The following NOTCH1 variants were observed in gnomAD, a reference collection of about 807,000 sequenced individuals.
NOTCH1 encodes the protein neurogenic locus notch homolog protein 1.
Under a neutral mutation model 254.8 loss-of-function variants are expected in NOTCH1, and 37 were observed. The ratio of observed to expected loss-of-function variants is 0.15; its 90% CI spans 0.11 to 0.19. The LOEUF (loss-of-function observed/expected upper bound fraction) is 0.19. NOTCH1 is among the 10% of genes least tolerant of loss of function. The probability of loss-of-function intolerance (pLI) is 1.00; values close to 1 mark genes in which losing one functional copy is unlikely to be tolerated. For missense variants in NOTCH1, 2,972 were observed against 3,708.6 expected (o/e 0.80, Z 5.16); for synonymous variants, 1,731 against 1,618.1 (o/e 1.07, Z -1.68).
Position 136,496,755 on chromosome 9 carries a change from C to T in NOTCH1, c.6984G>A (p.Gly2328=), listed in dbSNP as rs1589052797. The change falls in exon 34 of 34, where the codon GGG becomes GGA. Residue 2328 remains glycine (G), a synonymous_variant. Coordinates refer to ENST00000651671, the MANE Select transcript of NOTCH1 (RefSeq NM_017617.5). ...TGCTCAGGGGGCCTGGTGCCACACTCCCCCGCAGAGGGTTGTATTGGTTCG... is the reference window on the plus strand; with the variant it reads ...TGCTCAGGGGGCCTGGTGCCACACTTCCCCGCAGAGGGTTGTATTGGTTCG... The part of the protein sequence containing the change: ...MVPNQYNPLR[G]SVAPGPLSTQ... The T allele has an allele frequency of 1.2e-6, 2 of 1,612,830 alleles. No individual in the cohort carries two copies. Among genetic ancestry groups the T allele is most frequent in the Non-Finnish European group, 1.7e-6 (2 of 1,180,002 alleles).
chr9:136,506,537 T>C lies in NOTCH1; in HGVS notation c.4004A>G (p.Lys1335Arg), dbSNP rs747985253. Residue 1335 changes from lysine to arginine, a missense_variant, in exon 24 of 34, where the codon AAG (lysine) becomes AGG (arginine). This residue lies in a region of NOTCH1 where 1,343 missense variants were observed against 1,557.0 expected (regional missense o/e 0.86). Transcript: ENST00000651671. This position sits in a 1 kb window ranked among gnomAD's most constrained non-coding sequence, Gnocchi z 4.5. ...ASNTARGFIC[K>R]CPAGFEGATC... Reference sequence around the variant, plus strand: ...CACCCCTGCACCTACCGCAGGGCACTTGCAGATGAACCCGCGGGCGGTGTT... The same window carrying C: ...CACCCCTGCACCTACCGCAGGGCACCTGCAGATGAACCCGCGGGCGGTGTT... The C allele has an allele frequency of 2.5e-6, 4 of 1,602,716 alleles. No individual in the cohort carries two copies. The highest frequency in any genetic ancestry group is 1.3e-5 in the African/African-American group (1 of 74,900).
chr9:136,498,773 C>G (rs79872302), intron 33 of NOTCH1, 126 bp downstream of exon 33: 6 of 1,094,598 alleles, frequency 5.5e-6, no homozygotes, highest in Non-Finnish European at 8.3e-6. Flanking sequence ...GGCCCACATG[C>G]GGGCCCAGCG....
At position 136,496,093 on chromosome 9, in the gene NOTCH1, C is replaced by A. The variant is rs767929506; in HGVS notation, c.7646G>T (p.Arg2549Leu). 1 of 1,606,362 alleles carries A rather than the reference C, an allele frequency of 6.2e-7. No homozygotes were observed. The highest frequency in any genetic ancestry group is 8.5e-7 in the Non-Finnish European group (1 of 1,179,130). Residue 2549 changes from arginine to leucine, a missense_variant, in exon 34 of 34, where the codon CGC (arginine) becomes CTC (leucine). Physicochemically the swap from Arg to Leu is moderately radical, Grantham distance 102. Around this residue, in one of 8 missense-constraint regions of NOTCH1, gnomAD observed 85 missense variants for 126.1 expected, o/e 0.67. Coordinates refer to ENST00000651671, the MANE Select transcript of NOTCH1 (RefSeq NM_017617.5). ...PPTSMQSQIA[R>L]IPEAFK ...CGTTTACTTGAAGGCCTCCGGAATG[C>A]GGGCGATCTGGGACTGCATGCTGGT...
chr9:136,495,546 A>G lies in NOTCH1; in HGVS notation c.*525T>C. On this transcript the variant is annotated 3_prime_UTR_variant, in exon 34 of 34. Transcript: ENST00000651671. ...TTTGCCTCCGTTTGCCTCTGGATGC[A>G]GCTTCTCCTAACAGGCAGGTGATGC... 1 of 399,746 alleles carries G rather than the reference A, an allele frequency of 2.5e-6. No individual in the cohort carries two copies. The allele number at this position is 399,746 out of a possible 1,614,324, so 24.8% of individuals were successfully genotyped here.
chr9:136,529,954 G>A (rs1479223912), intron 2 of NOTCH1, among the ~76,000 whole-genome samples: 3 of 152,356 alleles, frequency 2.0e-5, no homozygotes, highest in South Asian at 2.1e-4. Flanking sequence ...CTTCCCCAGC[G>A]CCTGCAGCCG....
intron 19 of NOTCH1, 121 bp downstream of exon 19, chr9:136,508,749 G>A (rs911216554): frequency 5.1e-5 from 51 of 1,001,496 alleles, no homozygotes; most frequent in African/African-American, 3.2e-4. Flanking sequence ...CCCTCTGCCC[G>A]GGGGTGTGGG....
At position 136,523,706 on chromosome 9, in the gene NOTCH1, TC is replaced by T; in HGVS notation, c.403+10del. On this transcript the variant is annotated intron_variant, in intron 3 of 33. Transcript: ENST00000651671. The stretch of plus-strand genomic sequence containing the variant: ...GTCTGCCCACCCCTCAGGCTGTGGG[TC>T]CTCCCTCACCTGACCAGCCGGGCGG... 6.3e-7 allele frequency: 1 copy of T among 1,595,326 alleles called. No individual in the cohort carries two copies. The highest frequency in any genetic ancestry group is 8.5e-7 in the Non-Finnish European group (1 of 1,173,006).
chr9:136,537,015 T>C (rs1843666965), intron 2 of NOTCH1, among the ~76,000 whole-genome samples: 1 of 152,234 alleles, frequency 6.6e-6, no homozygotes, highest in South Asian at 2.1e-4. Context: ...GGACAGGTTG[T>C]GAGCCTGTCT....
Position 136,497,237 on chromosome 9 carries a change from A to G in NOTCH1, c.6502T>C (p.Cys2168Arg), listed in dbSNP as rs1307591119. Residue 2168 changes from cysteine (C) to arginine (R), a missense_variant, in exon 34 of 34, where the codon TGT becomes CGT. Cys to Arg is a radical substitution (Grantham distance 180, BLOSUM62 -3). Coordinates refer to ENST00000651671, the MANE Select transcript of NOTCH1 (RefSeq NM_017617.5). ...AGGTCCTTGGCCTCCTTGCTTCCAC[A>G]GGCCAGGCCTTTGCTGCTGGGCTTG... ...VRKPSSKGLA[C>R]GSKEAKDLKA... 6.2e-7 allele frequency: 1 copy of G among 1,612,478 alleles called. No homozygotes were observed. Among genetic ancestry groups the G allele is most frequent in the Non-Finnish European group, 8.5e-7 (1 of 1,179,928 alleles).
chr9:136,508,436 G>A lies in NOTCH1; in HGVS notation c.3172-51C>T, dbSNP rs184727239. The A allele has an allele frequency of 2.2e-4, 351 of 1,611,284 alleles. 1 individual carries two copies. The highest frequency in any genetic ancestry group is 1.3e-3 in the Middle Eastern group (8 of 5,946). On this transcript the variant is annotated intron_variant, in intron 19 of 33. Coordinates refer to ENST00000651671, the MANE Select transcript of NOTCH1 (RefSeq NM_017617.5). ...GTGCCCGCGCCCCGGCCATTTCCCCGGTAGCTCAGAACGCACATCTGCCAA... is the reference window on the plus strand; with the variant it reads ...GTGCCCGCGCCCCGGCCATTTCCCCAGTAGCTCAGAACGCACATCTGCCAA...
chr9:136,543,954 C>T lies in NOTCH1; in HGVS notation c.140+70G>A, dbSNP rs1298934118. On this transcript the variant is annotated intron_variant, in intron 2 of 33. Transcript: ENST00000651671. The stretch of plus-strand genomic sequence containing the variant: ...AAGACAATGGCCTAGTGTTCTGTCC[C>T]CTGCGCGGCTGCAGAAGGCAGGGGC... 7.9e-6 allele frequency: 11 copies of T among 1,393,368 alleles called. No homozygotes were observed. The African/African-American group carries it at 1.0e-4, about 13-fold the overall frequency. The allele number at this position is 1,393,368 out of a possible 1,614,324, so 86.3% of individuals were successfully genotyped here.
chr9:136,517,501 C>G, intron 8 of NOTCH1, 116 bp from the exon 9 acceptor site: 1 of 865,400 alleles, frequency 1.2e-6, no homozygotes, highest in Non-Finnish European at 1.8e-6. Flanking sequence ...CCAGCCACCA[C>G]GGGCCCCCTG....
In NOTCH1 at chr9:136,498,988, C is replaced by A. The variant is rs932710972; in HGVS notation, c.6091G>T (p.Ala2031Ser). The part of the protein sequence containing the change: ...VNAVDDLGKS[A>S]LHWAAAVNNV... Reference sequence around the variant, plus strand: ...TTCACGGCGGCGGCCCAGTGCAGGGCGGACTTGCCTGCGTGAAAGAAGCAG... The same window carrying A: ...TTCACGGCGGCGGCCCAGTGCAGGGAGGACTTGCCTGCGTGAAAGAAGCAG... The change falls in exon 33 of 34, where the codon GCC becomes TCC. Residue 2031 changes from alanine (A) to serine (S), a missense_variant. Physicochemically the swap from Ala to Ser is moderately conservative, Grantham distance 99. This residue lies in a region of NOTCH1 where 421 missense variants were observed against 604.4 expected (regional missense o/e 0.70). Transcript: ENST00000651671. 2 of 1,613,364 alleles carry A rather than the reference C, an allele frequency of 1.2e-6. No homozygotes were observed. Among genetic ancestry groups the A allele is most frequent in the Non-Finnish European group, 8.5e-7 (1 of 1,180,000 alleles).
intron 21 of NOTCH1, 104 bp from the exon 22 acceptor site, chr9:136,507,541 C>T: frequency 6.7e-7 from 1 of 1,493,490 alleles, no homozygotes; most frequent in Non-Finnish European, 9.1e-7. Flanking sequence ...GAGCTGCCCT[C>T]AGGTCCAGCG....
At position 136,545,633 on chromosome 9, in the gene NOTCH1, G is replaced by T; in HGVS notation, c.61+93C>A. 2.8e-6 allele frequency: 3 copies of T among 1,081,180 alleles called. No homozygotes were observed. The highest frequency in any genetic ancestry group is 3.3e-5 in the Admixed American group (1 of 30,528). 67.0% of individuals were successfully genotyped at this position (1,081,180 alleles called of 1,614,324 possible). A position where few individuals can be genotyped will look rare whatever the true frequency, so the allele number is the denominator to read the frequency against. On this transcript the variant is annotated intron_variant, in intron 1 of 33. Transcript: ENST00000651671. The surrounding 1 kb of genome is among the most constrained non-coding windows in gnomAD (Gnocchi z 6.8). ...CCCTCTCCATGCTGGCCTCCCCGCC[G>T]CCCGCTCCCAGCCGTGGGGCGCGCG... is the stretch of plus-strand genomic sequence containing the variant.
At chr9:136,521,406 AG>A in intron 4 of NOTCH1, among the ~76,000 whole-genome samples, 1 of 151,786 alleles carries the variant, frequency 6.6e-6, no homozygotes, top group African/African-American at 2.4e-5. Context: ...AGTGGCTCTG[AG>A]CCGGCCCAGC....
In NOTCH1 at chr9:136,495,144, G is replaced by C. The variant is rs1181857204; in HGVS notation, c.*927C>G. 7.5e-6 allele frequency: 3 copies of C among 399,100 alleles called. No homozygotes were observed. The highest frequency in any genetic ancestry group is 2.5e-4 in the South Asian group (2 of 7,862). The allele number at this position is 399,100 out of a possible 1,614,324, so 24.7% of individuals were successfully genotyped here. ...AGGCTGAGGTGCTGGGGCCGCCACC[G>C]GGGTCAGCCCAGGCAGTGTCTTTCC... On this transcript the variant is annotated 3_prime_UTR_variant, in exon 34 of 34. Coordinates refer to ENST00000651671, the MANE Select transcript of NOTCH1 (RefSeq NM_017617.5).
intron 4 of NOTCH1, among the ~76,000 whole-genome samples, chr9:136,521,129 G>A (rs1843360758): frequency 6.6e-6 from 1 of 152,232 alleles, no homozygotes; most frequent in Admixed American, 6.5e-5. Context: ...GCCCTTCAGG[G>A]GGCCTGGGTG....
chr9:136,511,589 G>A (rs1291365705), intron 15 of NOTCH1, among the ~76,000 whole-genome samples: 1 of 152,222 alleles, frequency 6.6e-6, no homozygotes, highest in Non-Finnish European at 1.5e-5. Context: ...ACTGCACCAG[G>A]AGAGGCGGCC....
Sources: gnomAD v4.1 joint callset for allele counts (sites outside exome capture counted in the v4.1 genomes callset) on GRCh38, gnomAD v4.1.1 for gene constraint, gnomAD v4.1.1 regional missense constraint, Gnocchi (gnomAD v3.1) non-coding constraint, MANE v1.5 for transcripts, NCBI Gene and HGNC (gene_info 2026-07-23, HGNC 2026-07-21) for gene names.